Variants in PTPRD observed in about 807,000 individuals in gnomAD.
The protein encoded by PTPRD is protein tyrosine phosphatase receptor type D.
PTPRD carries 34 observed loss-of-function variants against 214.5 expected under a neutral mutation model. The ratio of observed to expected loss-of-function variants is 0.16; its 90% confidence interval spans 0.12 to 0.21. The LOEUF (loss-of-function observed/expected upper bound fraction) is 0.21. Among genes scored for constraint, PTPRD ranks in the 10% least tolerant of loss-of-function variants. The pLI is 1.00. For synonymous variants in PTPRD, 1,128 were observed against 845.7 expected, an observed-to-expected ratio of 1.33 and a Z score of -5.79; for missense variants, 2,545 against 2,398.7, an observed-to-expected ratio of 1.06 and a Z score of -1.27.
At chr9:8,509,015 C>T (rs1158574249) in intron 21 of PTPRD, among the ~76,000 whole-genome samples, 2 of 151,848 alleles carry the variant, frequency 1.3e-5, no homozygotes, top group Non-Finnish European at 2.9e-5. Flanking sequence ...TTCTCTCTCT[C>T]TTTTTAAAAA....
At chr9:10,147,714 T>C (rs1360995772) in intron 3 of PTPRD, among the ~76,000 whole-genome samples, 1 of 152,074 alleles carries the variant, frequency 6.6e-6, no homozygotes, top group African/African-American at 2.4e-5. Flanking sequence ...ACCCCGTCTC[T>C]ACTAAAAATA....
At chr9:9,497,645 G>C (rs1408678319) in intron 8 of PTPRD, among the ~76,000 whole-genome samples, 3 of 152,078 alleles carry the variant, frequency 2.0e-5, no homozygotes, top group African/African-American at 7.2e-5. Flanking sequence ...ACTGTTAGAA[G>C]TTATCTCAAA....
chr9:9,805,060 A>C (rs2099064336), intron 5 of PTPRD, among the ~76,000 whole-genome samples: 2 of 152,100 alleles, frequency 1.3e-5, no homozygotes, highest in African/African-American at 4.8e-5. Flanking sequence ...TTTGAAGTTA[A>C]GTGTAAACAC....
intron 3 of PTPRD, among the ~76,000 whole-genome samples, chr9:10,240,484 G>T (rs1028070883): frequency 6.6e-6 from 1 of 151,864 alleles, no homozygotes; most frequent in African/African-American, 2.4e-5. Context: ...CATCATAAAA[G>T]ATCACATTTA....
chr9:8,914,742 C>G (rs1352640078), intron 11 of PTPRD, among the ~76,000 whole-genome samples: 4 of 152,050 alleles, frequency 2.6e-5, no homozygotes, highest in Non-Finnish European at 5.9e-5. Context: ...AATATTGAAA[C>G]TCAATAGTTT....
At chr9:10,318,538 C>T (rs2096489128) in intron 3 of PTPRD, among the ~76,000 whole-genome samples, 1 of 152,030 alleles carries the variant, frequency 6.6e-6, no homozygotes, top group Non-Finnish European at 1.5e-5. Flanking sequence ...CCTCACTTCT[C>T]ACCACCTGGA....
chr9:9,606,485 A>G (rs1455178553), intron 7 of PTPRD, among the ~76,000 whole-genome samples: 1 of 152,000 alleles, frequency 6.6e-6, no homozygotes, highest in Non-Finnish European at 1.5e-5. Context: ...TTCCATTATT[A>G]AATTGTGTCA....
chr9:8,623,383 A>C (rs948043653), intron 14 of PTPRD, among the ~76,000 whole-genome samples: 2 of 151,934 alleles, frequency 1.3e-5, no homozygotes, highest in African/African-American at 4.8e-5. Flanking sequence ...TGTGGATCCT[A>C]CAACAGCCAA....
At chr9:8,335,530 A>C (rs920789554) in intron 43 of PTPRD, among the ~76,000 whole-genome samples, 2 of 152,226 alleles carry the variant, frequency 1.3e-5, no homozygotes, top group Non-Finnish European at 2.9e-5. Flanking sequence ...ACGCACAGCC[A>C]CTGTCATAAC....
intron 8 of PTPRD, among the ~76,000 whole-genome samples, chr9:9,504,510 C>G (rs895035931): frequency 6.6e-6 from 1 of 151,618 alleles, no homozygotes; most frequent in African/African-American, 2.4e-5. Flanking sequence ...CACTTCAGCA[C>G]AATACCTACC....
At chr9:10,085,552 G>A (rs1390622630) in intron 3 of PTPRD, among the ~76,000 whole-genome samples, 1 of 151,712 alleles carries the variant, frequency 6.6e-6, no homozygotes, top group Non-Finnish European at 1.5e-5. Context: ...GATGTAAGTG[G>A]AAAAGGGAAA....
At chr9:9,223,812 CT>C (rs2099957702) in intron 9 of PTPRD, among the ~76,000 whole-genome samples, 1 of 151,926 alleles carries the variant, frequency 6.6e-6, no homozygotes, top group Admixed American at 6.6e-5. Context: ...TGATATGTCT[CT>C]GGTGAAGAGT....
intron 3 of PTPRD, among the ~76,000 whole-genome samples, chr9:10,288,761 A>G (rs918671649): frequency 4.6e-5 from 7 of 152,204 alleles, no homozygotes; most frequent in Non-Finnish European, 1.0e-4. Context: ...TACAAATTCT[A>G]AAATATAGAC....
At chr9:8,375,539 T>A (rs1021069880) in intron 39 of PTPRD, among the ~76,000 whole-genome samples, 4 of 146,778 alleles carry the variant, frequency 2.7e-5, no homozygotes, top group Middle Eastern at 3.4e-3. Flanking sequence ...TGTTCAGTAA[T>A]TTTTTTCCCC....
chr9:10,390,059 T>C (rs2098024634), intron 2 of PTPRD, among the ~76,000 whole-genome samples: 1 of 151,832 alleles, frequency 6.6e-6, no homozygotes, highest in African/African-American at 2.4e-5. Context: ...ACAATTGCAA[T>C]TAATTTTTTG....
At chr9:10,053,834 C>T (rs2097576163) in intron 3 of PTPRD, among the ~76,000 whole-genome samples, 1 of 152,158 alleles carries the variant, frequency 6.6e-6, no homozygotes, top group Non-Finnish European at 1.5e-5. Flanking sequence ...TCTTGGCTCA[C>T]TGCAACCTCC....
At chr9:8,374,170 T>C (rs932006187) in intron 39 of PTPRD, among the ~76,000 whole-genome samples, 1 of 150,892 alleles carries the variant, frequency 6.6e-6, no homozygotes, top group Non-Finnish European at 1.5e-5. Flanking sequence ...TTTTTGCCAT[T>C]AGGCATATAA....
chr9:10,493,082 C>G (rs1296227605), intron 2 of PTPRD, among the ~76,000 whole-genome samples: 1 of 152,070 alleles, frequency 6.6e-6, no homozygotes, highest in Non-Finnish European at 1.5e-5. Context: ...CAAACCCCTG[C>G]TGACGGAAAT....
intron 7 of PTPRD, among the ~76,000 whole-genome samples, chr9:9,685,809 C>A (rs1595185870): frequency 6.6e-6 from 1 of 151,124 alleles, no homozygotes; most frequent in African/African-American, 2.4e-5. Flanking sequence ...TATTCTATTT[C>A]TTTTTTAGTA....
Sources: allele counts gnomAD v4.1 joint callset (sites outside exome capture counted in the v4.1 genomes callset), GRCh38; gene constraint gnomAD v4.1.1; transcripts MANE v1.5; gene names NCBI Gene and HGNC (gene_info 2026-07-23, HGNC 2026-07-21).